KHDRBS2: variants seen among roughly 807,000 people sequenced by gnomAD.
The protein encoded by KHDRBS2 is KH RNA binding domain containing, signal transduction associated 2, also known as KH domain-containing, RNA-binding, signal transduction-associated protein 2.
Under a neutral mutation model 44.3 loss-of-function variants are expected in KHDRBS2, and 26 were observed. The observed-to-expected ratio is 0.59, with a 90% confidence interval of 0.43 to 0.81. The LOEUF is 0.81. KHDRBS2 is among the 40% of genes least tolerant of loss of function. KHDRBS2 has a pLI of 0.00. For missense variants in KHDRBS2, 476 were observed against 433.1 expected, an observed-to-expected ratio of 1.10 and a Z score of -0.88; for synonymous variants, 194 against 151.1, an observed-to-expected ratio of 1.28 and a Z score of -2.08.
At chr6:62,202,277 C>G (rs1827153126) in intron 1 of KHDRBS2, among the ~76,000 whole-genome samples, 1 of 152,090 alleles carries the variant, frequency 6.6e-6, no homozygotes, top group Admixed American at 6.6e-5. Context: ...CCAACTGTGA[C>G]TAATATTTGA....
chr6:61,642,175 T>A, the KHDRBS2 span, among the ~76,000 whole-genome samples: 1 of 152,180 alleles, frequency 6.6e-6, no homozygotes, highest in Non-Finnish European at 1.5e-5. Flanking sequence ...GTTTTCTTTG[T>A]TTCGTATAGT....
the KHDRBS2 span, among the ~76,000 whole-genome samples, chr6:61,637,898 A>T: frequency 6.6e-6 from 1 of 151,714 alleles, no homozygotes; most frequent in African/African-American, 2.4e-5. Flanking sequence ...TTTTTCTTGT[A>T]AATTTGTTTG....
chr6:61,750,086 A>G (rs1322076687), intron 6 of KHDRBS2, among the ~76,000 whole-genome samples: 1 of 152,184 alleles, frequency 6.6e-6, no homozygotes, highest in East Asian at 1.9e-4. Flanking sequence ...GATATCAGAT[A>G]TATCTTACAT....
the KHDRBS2 span, among the ~76,000 whole-genome samples, chr6:61,602,411 C>T: frequency 1.3e-5 from 2 of 152,088 alleles, no homozygotes. Context: ...CAAGGAATGC[C>T]TGTAGCCCAG....
chr6:61,782,057 T>A (rs1215693438), intron 6 of KHDRBS2, among the ~76,000 whole-genome samples: 1 of 152,134 alleles, frequency 6.6e-6, no homozygotes, highest in East Asian at 1.9e-4. Context: ...GGTTTAGAGA[T>A]GAAGATCCAG....
At chr6:62,069,576 A>G (rs1022498355) in intron 2 of KHDRBS2, among the ~76,000 whole-genome samples, 15 of 151,792 alleles carry the variant, frequency 9.9e-5, no homozygotes, top group African/African-American at 3.6e-4. Flanking sequence ...TAACAAAATG[A>G]AAAATACACC....
intron 2 of KHDRBS2, among the ~76,000 whole-genome samples, chr6:62,067,696 C>T (rs972613226): frequency 6.6e-6 from 1 of 151,326 alleles, no homozygotes; most frequent in African/African-American, 2.4e-5. Context: ...TGTTTAAGTC[C>T]TCTGTAAAAA....
chr6:61,818,368 T>C (rs1163640295), intron 6 of KHDRBS2, among the ~76,000 whole-genome samples: 1 of 150,172 alleles, frequency 6.7e-6, no homozygotes, highest in Non-Finnish European at 1.5e-5. Context: ...AAATTTAATA[T>C]AATATACTAA....
chr6:61,630,750 CA>C, the KHDRBS2 span, among the ~76,000 whole-genome samples: 1 of 152,128 alleles, frequency 6.6e-6, no homozygotes, highest in South Asian at 2.1e-4. Flanking sequence ...GGAAAGATTT[CA>C]TCACATTGCA....
chr6:61,865,473 A>G (rs533272735), intron 6 of KHDRBS2, among the ~76,000 whole-genome samples: 2 of 152,144 alleles, frequency 1.3e-5, no homozygotes, highest in South Asian at 2.1e-4. Flanking sequence ...AAACCATCAG[A>G]TCTCATGAAA....
At chr6:62,193,816 C>A (rs1044983399) in intron 1 of KHDRBS2, among the ~76,000 whole-genome samples, 1 of 152,046 alleles carries the variant, frequency 6.6e-6, no homozygotes, top group African/African-American at 2.4e-5. Context: ...ATTTGCATTT[C>A]TTTAATAACC....
At chr6:62,035,453 C>G (rs936317329) in intron 3 of KHDRBS2, among the ~76,000 whole-genome samples, 1 of 151,812 alleles carries the variant, frequency 6.6e-6, no homozygotes, top group Non-Finnish European at 1.5e-5. Context: ...AACAACTGAA[C>G]TCATGGAGAC....
intron 6 of KHDRBS2, among the ~76,000 whole-genome samples, chr6:61,851,029 T>C (rs916340749): frequency 5.9e-5 from 9 of 152,098 alleles, no homozygotes; most frequent in Non-Finnish European, 1.0e-4. Flanking sequence ...GTTGAGGACC[T>C]CAGGCTCTTC....
intron 1 of KHDRBS2, among the ~76,000 whole-genome samples, chr6:62,279,540 GA>G (rs1363829937): frequency 1.3e-5 from 2 of 152,282 alleles, no homozygotes; most frequent in East Asian, 3.9e-4. Context: ...CTCAAGCTTA[GA>G]GGGGGAGACA....
chr6:61,817,330 CTTTA>C (rs1313805661), intron 6 of KHDRBS2, among the ~76,000 whole-genome samples: 3 of 152,126 alleles, frequency 2.0e-5, no homozygotes, highest in East Asian at 1.9e-4. Context: ...TATTAACTTT[CTTTA>C]TTTAGTCCTC....
At chr6:61,997,561 T>A (rs1036077145) in intron 3 of KHDRBS2, among the ~76,000 whole-genome samples, 1 of 152,212 alleles carries the variant, frequency 6.6e-6, no homozygotes, top group African/African-American at 2.4e-5. Context: ...GTGATTGTCA[T>A]TGCCATCTAA....
intron 1 of KHDRBS2, among the ~76,000 whole-genome samples, chr6:62,196,206 G>T (rs1196793046): frequency 1.3e-5 from 2 of 152,108 alleles, no homozygotes; most frequent in Non-Finnish European, 2.9e-5. Context: ...TGGTGCAAAT[G>T]GAATCTCCTA....
chr6:62,181,209 C>A (rs1470483365), intron 1 of KHDRBS2, among the ~76,000 whole-genome samples: 1 of 149,386 alleles, frequency 6.7e-6, no homozygotes, highest in East Asian at 1.9e-4. Context: ...TTATATCAAA[C>A]AAACAGTTTC....
chr6:62,249,966 G>A (rs1010247944), intron 1 of KHDRBS2, among the ~76,000 whole-genome samples: 3 of 152,142 alleles, frequency 2.0e-5, no homozygotes, highest in African/African-American at 7.2e-5. Flanking sequence ...TCCCCATGTT[G>A]TCTCTTAATT....
Sources: allele counts gnomAD v4.1 joint callset (sites outside exome capture counted in the v4.1 genomes callset), GRCh38; gene constraint gnomAD v4.1.1; transcripts MANE v1.5; gene names NCBI Gene and HGNC (gene_info 2026-07-23, HGNC 2026-07-21).